The following KAZN variants were observed in gnomAD, a reference collection of about 807,000 sequenced individuals.
KAZN encodes the protein kazrin, periplakin interacting protein.
A neutral mutation model predicts 87.4 loss-of-function variants in KAZN; 40 were observed. The observed-to-expected ratio is 0.46, with a 90% confidence interval of 0.36 to 0.60. KAZN has a LOEUF of 0.60. Ranked by LOEUF, KAZN falls within the 20% of genes least tolerant of loss-of-function variation. The probability of loss-of-function intolerance (pLI) is 0.00; values close to 1 mark genes in which losing one functional copy is unlikely to be tolerated. For synonymous variants in KAZN, 466 were observed against 458.3 expected (o/e 1.02, Z -0.22); for missense variants, 898 against 1,073.9 (o/e 0.84, Z 2.29).
At chr1:14,337,945 AC>A (rs1657395048) in intron 2 of KAZN, among the ~76,000 whole-genome samples, 1 of 151,346 alleles carries the variant, frequency 6.6e-6, no homozygotes, top group Admixed American at 6.6e-5. Context: ...TGATCTTAAT[AC>A]CATCTGCTGC....
At chr1:14,337,562 T>A (rs139301760) in intron 2 of KAZN, among the ~76,000 whole-genome samples, 7 of 152,314 alleles carry the variant, frequency 4.6e-5, no homozygotes, top group Non-Finnish European at 8.8e-5. Flanking sequence ...ATTGTTCCTG[T>A]TTTAATCCTG....
intron 2 of KAZN, among the ~76,000 whole-genome samples, chr1:14,298,862 C>A (rs1400197326): frequency 6.6e-6 from 1 of 152,126 alleles, no homozygotes; most frequent in African/African-American, 2.4e-5. Flanking sequence ...GGAGTGAATT[C>A]AACATTTTCC....
chr1:14,548,695 T>C (rs1254288343), intron 2 of KAZN, among the ~76,000 whole-genome samples: 2 of 152,216 alleles, frequency 1.3e-5, no homozygotes, highest in African/African-American at 2.4e-5. Context: ...CTCACTATTA[T>C]AGATTATTTC....
At chr1:14,514,426 A>ATATATT (rs1480942529) in intron 2 of KAZN, among the ~76,000 whole-genome samples, 1 of 52,686 alleles carries the variant, frequency 1.9e-5, no homozygotes, top group African/African-American at 6.9e-5. Context: ...ATATATATAT[A>ATATATT]ATATATATAA....
chr1:14,371,023 T>C (rs879583276), intron 2 of KAZN, among the ~76,000 whole-genome samples: 3 of 152,176 alleles, frequency 2.0e-5, no homozygotes, highest in Non-Finnish European at 2.9e-5. Context: ...TGGACACTAT[T>C]GAACCAGGGG....
chr1:14,758,089 G>C (rs910135767), intron 1 of KAZN, among the ~76,000 whole-genome samples: 1 of 147,808 alleles, frequency 6.8e-6, no homozygotes, highest in Non-Finnish European at 1.5e-5. Flanking sequence ...TTGTTTGTTT[G>C]TTTGTTTGTT....
chr1:14,755,185 G>A (rs1167606386), intron 1 of KAZN, among the ~76,000 whole-genome samples: 1 of 151,882 alleles, frequency 6.6e-6, no homozygotes, highest in Non-Finnish European at 1.5e-5. Flanking sequence ...CCCAGGAGAC[G>A]GAGGTTGCAG....
intron 2 of KAZN, among the ~76,000 whole-genome samples, chr1:14,422,487 G>C (rs1270452858): frequency 6.6e-6 from 1 of 152,198 alleles, no homozygotes. Context: ...CCAATCTTAA[G>C]TGATGTTCAC....
chr1:14,755,366 G>C (rs996743429), intron 1 of KAZN, among the ~76,000 whole-genome samples: 3 of 152,174 alleles, frequency 2.0e-5, no homozygotes, highest in Admixed American at 2.0e-4. Context: ...CTCCACCCCA[G>C]AGGATTTTTA....
At chr1:15,109,390 C>T (rs1453666078) in intron 13 of KAZN, among the ~76,000 whole-genome samples, 1 of 152,146 alleles carries the variant, frequency 6.6e-6, no homozygotes, top group Non-Finnish European at 1.5e-5. Flanking sequence ...AAGATCAGGG[C>T]TGCTTACTGG....
chr1:14,673,075 G>T (rs1171071930), intron 1 of KAZN, among the ~76,000 whole-genome samples: 1 of 152,240 alleles, frequency 6.6e-6, no homozygotes, highest in East Asian at 1.9e-4. Flanking sequence ...AGATCAGCGT[G>T]GCCCAAAAGA....
chr1:14,285,903 G>A (rs1004617018), intron 2 of KAZN, among the ~76,000 whole-genome samples: 9 of 152,174 alleles, frequency 5.9e-5, no homozygotes, highest in South Asian at 2.1e-4. Flanking sequence ...GGCTGTGGCC[G>A]TGGGCCTGTC....
intron 4 of KAZN, among the ~76,000 whole-genome samples, chr1:15,051,741 T>C (rs1005151699): frequency 2.0e-5 from 3 of 152,140 alleles, no homozygotes; most frequent in Admixed American, 1.3e-4. Context: ...TCCAAAGAAC[T>C]GTGCCAGGGC....
chr1:14,775,907 G>A (rs978652117), intron 1 of KAZN, among the ~76,000 whole-genome samples: 2 of 152,216 alleles, frequency 1.3e-5, no homozygotes, highest in South Asian at 2.1e-4. Context: ...TTCCTACAGC[G>A]GTCGACACCC....
intron 2 of KAZN, among the ~76,000 whole-genome samples, chr1:14,585,880 T>A (rs1262885055): frequency 1.3e-5 from 2 of 152,154 alleles, no homozygotes; most frequent in East Asian, 3.8e-4. Context: ...GCTGATTGTC[T>A]GTTAGAATTA....
intron 1 of KAZN, among the ~76,000 whole-genome samples, chr1:14,888,556 G>T (rs563595299): frequency 1.3e-5 from 2 of 151,732 alleles, no homozygotes; most frequent in Non-Finnish European, 2.9e-5. Context: ...AGCTTTTTGC[G>T]TGACTATTAA....
chr1:14,340,654 A>G (rs1373500328), intron 2 of KAZN, among the ~76,000 whole-genome samples: 3 of 152,196 alleles, frequency 2.0e-5, no homozygotes, highest in Non-Finnish European at 4.4e-5. Flanking sequence ...ACAAGGCACA[A>G]TGCTTGCTGT....
chr1:14,461,049 C>G (rs761141095), intron 2 of KAZN, among the ~76,000 whole-genome samples: 1 of 152,126 alleles, frequency 6.6e-6, no homozygotes, highest in Non-Finnish European at 1.5e-5. Context: ...TTTTATCTGT[C>G]GCTATGGTGG....
intron 1 of KAZN, among the ~76,000 whole-genome samples, chr1:14,622,534 C>CA (rs544792190): frequency 5.3e-5 from 8 of 151,304 alleles, no homozygotes; most frequent in Admixed American, 3.3e-4. Context: ...ACTAAAAATA[C>CA]AAAAAAATTA....
Sources: gnomAD v4.1 joint callset for allele counts (sites outside exome capture counted in the v4.1 genomes callset) on GRCh38, gnomAD v4.1.1 for gene constraint, MANE v1.5 for transcripts, NCBI Gene and HGNC (gene_info 2026-07-23, HGNC 2026-07-21) for gene names.